Variants in MKLN1 observed in about 807,000 individuals in gnomAD.
The protein encoded by MKLN1 is muskelin.
Under a neutral mutation model 99.0 loss-of-function variants are expected in MKLN1, and 18 were observed. That is an observed-to-expected ratio of 0.18 (90% CI 0.13 to 0.27). The LOEUF is 0.27. MKLN1 is among the 10% of genes least tolerant of loss of function. The probability of loss-of-function intolerance (pLI) is 1.00; values close to 1 mark genes in which losing one functional copy is unlikely to be tolerated. For missense variants in MKLN1, 621 were observed against 875.9 expected (o/e 0.71, Z 3.67); for synonymous variants, 288 against 293.2 (o/e 0.98, Z 0.18).
intron 12 of MKLN1, 78 bp downstream of exon 12, chr7:131,445,981 C>A: frequency 1.0e-6 from 1 of 987,848 alleles, no homozygotes; most frequent in Non-Finnish European, 1.4e-6. Flanking sequence ...TCTTTTCTTT[C>A]TAATCATTTT....
intron 3 of MKLN1, among the ~76,000 whole-genome samples, chr7:131,253,144 T>A (rs529596276): frequency 1.3e-5 from 2 of 152,248 alleles, no homozygotes; most frequent in African/African-American, 4.8e-5. Context: ...AATGAAGAAA[T>A]ATTTATTCAG....
chr7:131,303,160 A>G (rs1415630783), intron 3 of MKLN1, among the ~76,000 whole-genome samples: 1 of 152,234 alleles, frequency 6.6e-6, no homozygotes, highest in Non-Finnish European at 1.5e-5. Flanking sequence ...CCAATGCCCC[A>G]GCTCCAACTA....
chr7:131,398,663 C>T (rs1794433357), intron 5 of MKLN1, among the ~76,000 whole-genome samples: 1 of 151,598 alleles, frequency 6.6e-6, no homozygotes, highest in African/African-American at 2.4e-5. Context: ...TACAGTCCAG[C>T]CTGGGAGACA....
chr7:131,353,502 G>A (rs1799780176), intron 1 of MKLN1, among the ~76,000 whole-genome samples: 1 of 152,072 alleles, frequency 6.6e-6, no homozygotes, highest in Non-Finnish European at 1.5e-5. Flanking sequence ...TTTTAGGTGT[G>A]TGTTTAGGTG....
chr7:131,186,777 G>C (rs1235024721), intron 2 of MKLN1, among the ~76,000 whole-genome samples: 2 of 152,142 alleles, frequency 1.3e-5, no homozygotes, highest in Non-Finnish European at 2.9e-5. Context: ...GTAAGTGTCT[G>C]GTACCATATA....
At position 131,429,109 on chromosome 7, in the gene MKLN1, C is replaced by A; in HGVS notation, c.924C>A (p.Asn308Lys). 1 of 1,613,704 alleles carries A rather than the reference C, an allele frequency of 6.2e-7. No individual in the cohort carries two copies. The highest frequency in any genetic ancestry group is 8.5e-7 in the Non-Finnish European group (1 of 1,179,762). The stretch of plus-strand genomic sequence containing the variant: ...TCTGGGCGTACAGTGTGAAGGAGAA[C>A]CAGTGGACATGTATCTCTAGAGACA... ...ADFWAYSVKE[N>K]QWTCISRDTE... The change falls in exon 9 of 18, where the codon AAC becomes AAA. Residue 308 changes from asparagine (N) to lysine (K), a missense_variant. Physicochemically the swap from Asn to Lys is moderately conservative, Grantham distance 94. Coordinates refer to ENST00000352689, the MANE Select transcript of MKLN1 (RefSeq NM_013255.5).
chr7:131,338,701 G>GT (rs1251357598), intron 1 of MKLN1, among the ~76,000 whole-genome samples: 1 of 152,126 alleles, frequency 6.6e-6, no homozygotes, highest in African/African-American at 2.4e-5. Context: ...ATGTAAAAAC[G>GT]TACGACTTGA....
intron 8 of MKLN1, among the ~76,000 whole-genome samples, chr7:131,422,277 G>A (rs932038852): frequency 6.6e-6 from 1 of 152,186 alleles, no homozygotes. Context: ...GCCAGACATG[G>A]TAGCTCATAC....
Position 131,487,891 on chromosome 7 carries a change from G to A in MKLN1, c.*163G>A. 2 of 672,178 alleles carry A rather than the reference G, an allele frequency of 3.0e-6. No homozygotes were observed. Among genetic ancestry groups the A allele is most frequent in the Non-Finnish European group, 4.6e-6 (2 of 432,910 alleles). The allele number at this position is 672,178 out of a possible 1,614,324, so 41.6% of individuals were successfully genotyped here. On this transcript the variant is annotated 3_prime_UTR_variant, in exon 18 of 18. Coordinates refer to ENST00000352689, the MANE Select transcript of MKLN1 (RefSeq NM_013255.5). The surrounding 1 kb of genome is among the most constrained non-coding windows in gnomAD (Gnocchi z 4.7). ...GTTTTTACCCTCTTCCTTCATGCCTGACCTCAACCCCGCTCTCCTCATCCT... is the reference window on the plus strand; with the variant it reads ...GTTTTTACCCTCTTCCTTCATGCCTAACCTCAACCCCGCTCTCCTCATCCT...
chr7:131,467,261 A>G (rs1316918993), intron 15 of MKLN1, among the ~76,000 whole-genome samples: 1 of 152,200 alleles, frequency 6.6e-6, no homozygotes, highest in Non-Finnish European at 1.5e-5. Context: ...ACCCTCATAT[A>G]TACATACGTA....
At chr7:131,112,563 T>C (rs942200628) in intron 1 of MKLN1, among the ~76,000 whole-genome samples, 1 of 152,360 alleles carries the variant, frequency 6.6e-6, no homozygotes, top group South Asian at 2.1e-4. Flanking sequence ...GAGAAAGTTC[T>C]TTCAGTCTAC....
At chr7:131,379,680 A>G (rs1302804211) in intron 2 of MKLN1, among the ~76,000 whole-genome samples, 2 of 152,170 alleles carry the variant, frequency 1.3e-5, no homozygotes, top group African/African-American at 2.4e-5. Context: ...AATAATAACT[A>G]TATATTTTTA....
At chr7:131,323,304 AG>A (rs1798821398), upstream of MKLN1, 1 of 152,192 alleles carries the variant, frequency 6.6e-6, no homozygotes, top group African/African-American at 2.4e-5. Flanking sequence ...GAGGGTCTGG[AG>A]GTGAAAGGGA....
intron 3 of MKLN1, among the ~76,000 whole-genome samples, chr7:131,247,246 T>C (rs563167386): frequency 7.2e-6 from 1 of 139,204 alleles, no homozygotes; most frequent in Non-Finnish European, 1.6e-5. Context: ...TTTTTTTTTT[T>C]TTTGTCACCA....
At chr7:131,333,559 G>A (rs993694268) in intron 1 of MKLN1, among the ~76,000 whole-genome samples, 1 of 150,158 alleles carries the variant, frequency 6.7e-6, no homozygotes, top group African/African-American at 2.5e-5. Flanking sequence ...TTTTTGAAAC[G>A]GAGTTTCGCT....
intron 1 of MKLN1, among the ~76,000 whole-genome samples, chr7:131,139,642 G>C (rs1176051660): frequency 6.6e-6 from 1 of 152,162 alleles, no homozygotes; most frequent in Non-Finnish European, 1.5e-5. Flanking sequence ...GTGACAGTGT[G>C]ACAATTGTGT....
intron 3 of MKLN1, among the ~76,000 whole-genome samples, chr7:131,230,599 C>T (rs1042523187): frequency 9.2e-5 from 14 of 152,154 alleles, no homozygotes; most frequent in Non-Finnish European, 1.8e-4. Flanking sequence ...TATGTAAGAG[C>T]ATGTATTTAC....
At chr7:131,441,903 G>C (rs1795851775) in intron 10 of MKLN1, among the ~76,000 whole-genome samples, 1 of 152,214 alleles carries the variant, frequency 6.6e-6, no homozygotes, top group Non-Finnish European at 1.5e-5. Flanking sequence ...ATAGTTCCCA[G>C]ATATTTGGAG....
intron 1 of MKLN1, among the ~76,000 whole-genome samples, chr7:131,371,004 G>A (rs1201017803): frequency 6.6e-6 from 1 of 152,072 alleles, no homozygotes; most frequent in Non-Finnish European, 1.5e-5. Context: ...TTTCTGGTCT[G>A]TATTTTATTT....
Sources: gnomAD v4.1 joint callset for allele counts (sites outside exome capture counted in the v4.1 genomes callset) on GRCh38, gnomAD v4.1.1 for gene constraint, Gnocchi (gnomAD v3.1) non-coding constraint, MANE v1.5 for transcripts, NCBI Gene and HGNC (gene_info 2026-07-23, HGNC 2026-07-21) for gene names.